The following CDH13 variants were observed in gnomAD, a reference collection of about 807,000 sequenced individuals.
CDH13 encodes cadherin 13, also known as cadherin-13.
Under a neutral mutation model 63.8 loss-of-function variants are expected in CDH13, and 24 were observed. The ratio of observed to expected loss-of-function variants is 0.38; its 90% CI spans 0.27 to 0.53. The LOEUF (loss-of-function observed/expected upper bound fraction) is 0.53, where lower values mean the gene tolerates loss of function less well. CDH13 is among the 20% of genes least tolerant of loss of function. CDH13 has a pLI of 0.85. For missense variants in CDH13, 1,049 were observed against 903.1 expected, an observed-to-expected ratio of 1.16 and a Z score of -2.07; for synonymous variants, 503 against 355.3, an observed-to-expected ratio of 1.42 and a Z score of -4.67.
chr16:83,170,845 C>A (rs1275836763), intron 4 of CDH13, among the ~76,000 whole-genome samples: 1 of 151,908 alleles, frequency 6.6e-6, no homozygotes, highest in African/African-American at 2.4e-5. Flanking sequence ...CATGAGTGAC[C>A]CTTCTAACTA....
intron 1 of CDH13, among the ~76,000 whole-genome samples, chr16:82,645,433 T>C (rs1909978724): frequency 6.6e-6 from 1 of 152,168 alleles, no homozygotes; most frequent in Non-Finnish European, 1.5e-5. Flanking sequence ...AGGGGGGTTG[T>C]GACCCTCGGG....
intron 5 of CDH13, among the ~76,000 whole-genome samples, chr16:83,271,382 A>G (rs1193095364): frequency 7.7e-6 from 1 of 129,168 alleles, no homozygotes; most frequent in Admixed American, 9.2e-5. Flanking sequence ...CTTGTGTTGG[A>G]TCTAGACACC....
rs183188706 is a variant in CDH13, at chr16:83,445,339, C to G, written c.782-41138C>G. Among the ~76,000 whole-genome samples the G allele has an allele frequency of 2.9e-4, 31 of 107,608 alleles. 1 individual carries two copies. The highest frequency in any genetic ancestry group is 8.3e-4 in the African/African-American group (30 of 36,104). The allele number at this position is 107,608 out of a possible 152,430, so 70.6% of individuals were successfully genotyped here. ...ATCATTTTCACCTACCCGAATCATT[C>G]TTCTACAAAAGAAGAAAAGTTATTT... On this transcript the variant is annotated intron_variant, in intron 6 of 13. Coordinates refer to ENST00000567109, the MANE Select transcript of CDH13 (RefSeq NM_001257.5).
intron 1 of CDH13, among the ~76,000 whole-genome samples, chr16:82,674,554 C>T (rs1185666909): frequency 6.6e-6 from 1 of 152,174 alleles, no homozygotes. Context: ...TCCTTGTATT[C>T]TTAATTCATC....
chr16:82,871,068 T>G (rs1380063512), intron 2 of CDH13, among the ~76,000 whole-genome samples: 7 of 152,186 alleles, frequency 4.6e-5, no homozygotes, highest in Non-Finnish European at 1.0e-4. Context: ...CATCTTGAAG[T>G]TTTTGATGCT....
intron 10 of CDH13, among the ~76,000 whole-genome samples, chr16:83,714,514 A>G (rs1217248482): frequency 1.3e-5 from 2 of 152,204 alleles, no homozygotes; most frequent in Non-Finnish European, 2.9e-5. Flanking sequence ...ATGTTCTGCA[A>G]ACATTCAGTA....
chr16:83,131,681 C>G (rs528569540), intron 4 of CDH13, among the ~76,000 whole-genome samples: 6 of 152,240 alleles, frequency 3.9e-5, no homozygotes, highest in East Asian at 1.9e-4. Context: ...GTTTGAAAGA[C>G]AAGTCATTTA....
intron 6 of CDH13, among the ~76,000 whole-genome samples, chr16:83,428,412 G>T (rs1039450222): frequency 6.6e-6 from 1 of 151,726 alleles, no homozygotes; most frequent in Non-Finnish European, 1.5e-5. Flanking sequence ...GTTGATTTTA[G>T]CTTTGTTTGT....
intron 5 of CDH13, among the ~76,000 whole-genome samples, chr16:83,287,361 G>A (rs2089344703): frequency 6.6e-6 from 1 of 152,198 alleles, no homozygotes; most frequent in Non-Finnish European, 1.5e-5. Flanking sequence ...TTAGGAACCT[G>A]GCTGCCCAGC....
intron 2 of CDH13, among the ~76,000 whole-genome samples, chr16:82,892,231 C>T (rs758245723): frequency 1.3e-5 from 2 of 152,130 alleles, no homozygotes; most frequent in African/African-American, 4.8e-5. Flanking sequence ...ACACACATAA[C>T]GCTTAGGATG....
At chr16:82,806,285 C>T (rs905319685) in intron 1 of CDH13, among the ~76,000 whole-genome samples, 1 of 152,156 alleles carries the variant, frequency 6.6e-6, no homozygotes, top group South Asian at 2.1e-4. Context: ...TATTTGTCTC[C>T]TCTTCTTTCC....
intron 5 of CDH13, among the ~76,000 whole-genome samples, chr16:83,307,891 C>G (rs1040530457): frequency 1.3e-5 from 2 of 152,116 alleles, no homozygotes; most frequent in Non-Finnish European, 2.9e-5. Context: ...CACTTCCATG[C>G]TGAGATCTAT....
At chr16:83,340,701 G>T (rs1265342000) in intron 5 of CDH13, among the ~76,000 whole-genome samples, 2 of 152,170 alleles carry the variant, frequency 1.3e-5, no homozygotes, top group Non-Finnish European at 2.9e-5. Flanking sequence ...CTGGCTTGGA[G>T]ACTGACCTTT....
chr16:82,967,768 C>T (rs770814845), intron 2 of CDH13, among the ~76,000 whole-genome samples: 3 of 152,216 alleles, frequency 2.0e-5, no homozygotes, highest in Admixed American at 6.5e-5. Flanking sequence ...CAGCATGTAG[C>T]AGGCTTTTGT....
intron 10 of CDH13, among the ~76,000 whole-genome samples, chr16:83,683,729 T>C (rs1280657462): frequency 6.6e-6 from 1 of 152,218 alleles, no homozygotes; most frequent in African/African-American, 2.4e-5. Context: ...TGAAGACAAG[T>C]CCCTGAAAAT....
chr16:82,641,950 C>A (rs963598836), intron 1 of CDH13, among the ~76,000 whole-genome samples: 1 of 152,148 alleles, frequency 6.6e-6, no homozygotes, highest in African/African-American at 2.4e-5. Context: ...AGGCAGAGGT[C>A]ATGGCGCTTG....
chr16:82,858,797 C>A, intron 2 of CDH13: 1 of 385,312 alleles, frequency 2.6e-6, no homozygotes, highest in Non-Finnish European at 4.6e-6. Flanking sequence ...GGCAGATCCC[C>A]AAAATCAAAA....
intron 4 of CDH13, among the ~76,000 whole-genome samples, chr16:83,166,515 A>G (rs1387381153): frequency 6.6e-6 from 1 of 152,084 alleles, no homozygotes; most frequent in Non-Finnish European, 1.5e-5. Context: ...GAAACATATG[A>G]ACTTCAAGAA....
chr16:82,800,013 C>A (rs1179201052), intron 1 of CDH13, among the ~76,000 whole-genome samples: 4 of 152,208 alleles, frequency 2.6e-5, no homozygotes, highest in Non-Finnish European at 4.4e-5. Context: ...TACTAAGGGA[C>A]TACTACACTC....
Sources: gnomAD v4.1 joint callset for allele counts (sites outside exome capture counted in the v4.1 genomes callset) on GRCh38, gnomAD v4.1.1 for gene constraint, MANE v1.5 for transcripts, NCBI Gene and HGNC (gene_info 2026-07-23, HGNC 2026-07-21) for gene names.